The following RBFOX1 variants were observed in gnomAD, a reference collection of about 807,000 sequenced individuals.
RBFOX1 encodes the protein RNA binding protein fox-1 homolog 1.
Under a neutral mutation model 57.7 loss-of-function variants are expected in RBFOX1, and 8 were observed. That is an observed-to-expected ratio of 0.14 (90% CI 0.08 to 0.25). RBFOX1 has a LOEUF of 0.25. Among genes scored for constraint, RBFOX1 ranks in the 10% least tolerant of loss-of-function variants. The pLI is 1.00. For missense variants in RBFOX1, 611 were observed against 548.5 expected, an observed-to-expected ratio of 1.11 and a Z score of -1.14; for synonymous variants, 326 against 222.4, an observed-to-expected ratio of 1.47 and a Z score of -4.15.
At chr16:6,726,525 G>C (rs1208163819) in intron 3 of RBFOX1, among the ~76,000 whole-genome samples, 1 of 151,884 alleles carries the variant, frequency 6.6e-6, no homozygotes, top group African/African-American at 2.4e-5. Context: ...AAAGTACAGT[G>C]CCTGGACATG....
intron 4 of RBFOX1, among the ~76,000 whole-genome samples, chr16:7,424,083 T>C (rs1385922988): frequency 1.3e-5 from 2 of 152,192 alleles, no homozygotes; most frequent in East Asian, 1.9e-4. Context: ...TTTGGTTTAT[T>C]CTGAGTCTCT....
intron 3 of RBFOX1, among the ~76,000 whole-genome samples, chr16:6,686,546 G>A (rs1000618386): frequency 3.9e-5 from 6 of 152,258 alleles, no homozygotes; most frequent in African/African-American, 1.4e-4. Context: ...TACATCTTGG[G>A]AACATTTCTC....
At chr16:6,623,460 ATAC>A (rs2098262811) in intron 2 of RBFOX1, among the ~76,000 whole-genome samples, 6 of 145,202 alleles carry the variant, frequency 4.1e-5, no homozygotes, top group East Asian at 4.1e-4. Flanking sequence ...TTTTTTTATT[ATAC>A]TTTAAGTTTT....
intron 3 of RBFOX1, among the ~76,000 whole-genome samples, chr16:6,865,643 A>C (rs879581250): frequency 2.6e-5 from 4 of 152,210 alleles, no homozygotes; most frequent in South Asian, 4.1e-4. Flanking sequence ...TGTATTCTTC[A>C]TGACGTGTGA....
At chr16:7,185,058 C>T (rs1032448578) in intron 4 of RBFOX1, among the ~76,000 whole-genome samples, 3 of 152,142 alleles carry the variant, frequency 2.0e-5, no homozygotes, top group Non-Finnish European at 2.9e-5. Context: ...TGAAATTGTG[C>T]AGTAAGTACA....
intron 3 of RBFOX1, among the ~76,000 whole-genome samples, chr16:6,813,398 G>A (rs912948280): frequency 6.6e-6 from 1 of 152,072 alleles, no homozygotes; most frequent in Admixed American, 6.6e-5. Context: ...ATGCTCGTAT[G>A]GGTTCCCAGG....
chr16:7,525,980 G>A (rs1242835334), intron 5 of RBFOX1, among the ~76,000 whole-genome samples: 1 of 152,154 alleles, frequency 6.6e-6, no homozygotes, highest in Non-Finnish European at 1.5e-5. Context: ...ATCAGTACTG[G>A]TCTGTAGCCT....
chr16:5,530,142 C>T (rs562987231), intron 2 of RBFOX1, among the ~76,000 whole-genome samples: 7 of 152,292 alleles, frequency 4.6e-5, no homozygotes, highest in Non-Finnish European at 1.0e-4. Flanking sequence ...TGGTCTCATA[C>T]ACCCTTAGAG....
chr16:6,985,855 T>G (rs894007364), intron 3 of RBFOX1, among the ~76,000 whole-genome samples: 2 of 85,438 alleles, frequency 2.3e-5, no homozygotes, highest in African/African-American at 1.0e-4. Context: ...AAACAGAATT[T>G]TTTTTTCTTT....
At chr16:6,090,816 T>G (rs889763310) in intron 1 of RBFOX1, among the ~76,000 whole-genome samples, 1 of 152,118 alleles carries the variant, frequency 6.6e-6, no homozygotes, top group Non-Finnish European at 1.5e-5. Flanking sequence ...AAATGTAGTC[T>G]ATGGTGGAGG....
At chr16:5,983,644 T>C (rs2060218233) in intron 4 of RBFOX1, among the ~76,000 whole-genome samples, 1 of 152,124 alleles carries the variant, frequency 6.6e-6, no homozygotes, top group African/African-American at 2.4e-5. Context: ...CATTTCTGAC[T>C]CTCGTTGTTA....
intron 3 of RBFOX1, among the ~76,000 whole-genome samples, chr16:6,892,777 T>C (rs1387643383): frequency 4.7e-5 from 1 of 21,450 alleles, no homozygotes; most frequent in Non-Finnish European, 1.1e-4. Flanking sequence ...CCTGTCTCCC[T>C]CTCTCTCTCT....
At position 7,364,690 on chromosome 16, in the gene RBFOX1, C is replaced by G. The variant is rs1376012574; in HGVS notation, c.28-153457C>G. On this transcript the variant is annotated intron_variant, in intron 4 of 15. Coordinates refer to ENST00000550418, the MANE Select transcript of RBFOX1 (RefSeq NM_018723.4). The stretch of plus-strand genomic sequence containing the variant: ...TTCTATCTGAATGATCCTCTAGTCA[C>G]TTTTTCTATCATCAGATCTCTCTGG... Among the ~76,000 whole-genome samples, 6 of 151,922 alleles carry G rather than the reference C, an allele frequency of 3.9e-5. No homozygotes were observed. In the East Asian group the frequency reaches 5.8e-4, roughly 15 times the overall value.
At chr16:5,989,843 A>AAT (rs2060356514) in intron 4 of RBFOX1, among the ~76,000 whole-genome samples, 1 of 20,718 alleles carries the variant, frequency 4.8e-5, no homozygotes, top group African/African-American at 2.2e-4. Context: ...AACACCCCCT[A>AAT]ACACACACAC....
chr16:5,757,535 G>A (rs2053444636), intron 3 of RBFOX1, among the ~76,000 whole-genome samples: 1 of 152,046 alleles, frequency 6.6e-6, no homozygotes, highest in Non-Finnish European at 1.5e-5. Flanking sequence ...CAGCCGGGTG[G>A]GAAGCTTTTA....
chr16:5,476,639 G>A (rs188959261), intron 2 of RBFOX1, among the ~76,000 whole-genome samples: 2 of 152,290 alleles, frequency 1.3e-5, no homozygotes, highest in African/African-American at 2.4e-5. Context: ...AGTAGTGTCT[G>A]GAATTTACTT....
chr16:7,710,579 A>C (rs757694861), intron 15 of RBFOX1, 44 bp from the exon 16 acceptor site: 8 of 1,607,870 alleles, frequency 5.0e-6, no homozygotes, highest in Non-Finnish European at 6.8e-6. Flanking sequence ...CATGTTGCAA[A>C]AGGAAAATGT....
intron 2 of RBFOX1, among the ~76,000 whole-genome samples, chr16:5,567,675 G>C (rs1470998198): frequency 7.1e-6 from 1 of 141,588 alleles, no homozygotes; most frequent in Non-Finnish European, 1.5e-5. Context: ...TAGATGGAAG[G>C]GCTGTGTCTA....
At chr16:6,000,160 A>G (rs1293367749) in intron 4 of RBFOX1, among the ~76,000 whole-genome samples, 2 of 152,218 alleles carry the variant, frequency 1.3e-5, no homozygotes, top group East Asian at 3.9e-4. Context: ...TAACTCATCT[A>G]CATTTACAGG....
Sources: gnomAD v4.1 joint callset for allele counts (sites outside exome capture counted in the v4.1 genomes callset) on GRCh38, gnomAD v4.1.1 for gene constraint, MANE v1.5 for transcripts, NCBI Gene and HGNC (gene_info 2026-07-23, HGNC 2026-07-21) for gene names.